AKAP6: variants seen among roughly 807,000 people sequenced by gnomAD.
AKAP6 encodes the protein A-kinase anchoring protein 6.
Under a neutral mutation model 188.5 loss-of-function variants are expected in AKAP6, and 58 were observed. That is an observed-to-expected ratio of 0.31 (90% CI 0.25 to 0.38). The LOEUF (loss-of-function observed/expected upper bound fraction) is 0.38. Among genes scored for constraint, AKAP6 ranks in the 10% least tolerant of loss-of-function variants. The pLI, the probability that AKAP6 is intolerant of heterozygous loss-of-function variation, is 1.00. For synonymous variants in AKAP6, 989 were observed against 998.6 expected (o/e 0.99, Z 0.18); for missense variants, 2,710 against 2,740.0 (o/e 0.99, Z 0.24).
chr14:32,461,042 T>A (rs1170157405), intron 2 of AKAP6, among the ~76,000 whole-genome samples: 1 of 152,210 alleles, frequency 6.6e-6, no homozygotes, highest in African/African-American at 2.4e-5. Context: ...GCAGGGCATC[T>A]CTGAAGGTAA....
chr14:32,681,525 C>T (rs1889676388), intron 8 of AKAP6, among the ~76,000 whole-genome samples: 1 of 152,122 alleles, frequency 6.6e-6, no homozygotes, highest in African/African-American at 2.4e-5. Flanking sequence ...GTGCATATTC[C>T]ATACTGTATG....
At chr14:32,459,435 AC>A (rs1403334947) in intron 2 of AKAP6, among the ~76,000 whole-genome samples, 3 of 152,200 alleles carry the variant, frequency 2.0e-5, no homozygotes, top group Non-Finnish European at 4.4e-5. Context: ...AGTGATAGAT[AC>A]AGACAGATTG....
Position 32,510,431 on chromosome 14 carries a change from TATATGTGTATATATATATAC to T in AKAP6, c.325-25118_325-25099del, listed in dbSNP as rs1466039694. Among the ~76,000 whole-genome samples the T allele has an allele frequency of 1.1e-3, 101 of 95,342 alleles. 2 individuals are homozygous for T. The highest frequency in any genetic ancestry group is 4.3e-3 in the African/African-American group (87 of 20,092). 62.5% of individuals were successfully genotyped at this position (95,342 alleles called of 152,430 possible). A position where few individuals can be genotyped will look rare whatever the true frequency, so the allele number is the denominator to read the frequency against. ...ATATATATGTATATATATACATATA[TATATGTGTATATATATATAC>T]ATATATATGTGTATATATATATATA... On this transcript the variant is annotated intron_variant, in intron 2 of 13. Transcript: ENST00000280979.
chr14:32,585,379 A>T (rs1885188021), intron 5 of AKAP6, among the ~76,000 whole-genome samples: 1 of 152,214 alleles, frequency 6.6e-6, no homozygotes, highest in African/African-American at 2.4e-5. Context: ...GCACCGTGTT[A>T]TTCTGGACAC....
rs569353334 is a variant in AKAP6 at position 32,460,897 on chromosome 14, C to T, written c.324+27080C>T. Among the ~76,000 whole-genome samples the T allele has an allele frequency of 2.8e-3, 421 of 152,318 alleles. 5 individuals are homozygous for T. Among genetic ancestry groups the T allele is most frequent in the African/African-American group, 9.1e-3 (380 of 41,566 alleles). On this transcript the variant is annotated intron_variant, in intron 2 of 13. Coordinates refer to ENST00000280979, the MANE Select transcript of AKAP6 (RefSeq NM_004274.5). ...AGCTTAGTGTGGGGAGGGGCATCCA[C>T]CATTACTGAGGCTTTAGTAGGCAGT...
At chr14:32,701,795 G>T (rs988223559) in intron 9 of AKAP6, among the ~76,000 whole-genome samples, 6 of 151,924 alleles carry the variant, frequency 3.9e-5, no homozygotes, top group African/African-American at 1.5e-4. Context: ...ACTAATTTCC[G>T]ATGTGATTTG....
chr14:32,691,577 G>T (rs1303384799), intron 8 of AKAP6, among the ~76,000 whole-genome samples: 2 of 149,510 alleles, frequency 1.3e-5, no homozygotes, highest in Admixed American at 1.3e-4. Flanking sequence ...GTTTTTTTTT[G>T]AGACAGAGTC....
chr14:32,689,208 C>A (rs1248762992), intron 8 of AKAP6, among the ~76,000 whole-genome samples: 1 of 152,096 alleles, frequency 6.6e-6, no homozygotes, highest in African/African-American at 2.4e-5. Flanking sequence ...TTTGGATGAG[C>A]CTTTGACTTC....
intron 5 of AKAP6, among the ~76,000 whole-genome samples, chr14:32,584,074 A>C (rs570573453): frequency 6.6e-6 from 1 of 152,302 alleles, no homozygotes; most frequent in East Asian, 1.9e-4. Flanking sequence ...TGCATCACTC[A>C]CGCTGGGAGC....
intron 7 of AKAP6, among the ~76,000 whole-genome samples, chr14:32,613,321 C>T (rs148632977): frequency 2.8e-3 from 433 of 152,274 alleles, no homozygotes; most frequent in African/African-American, 9.2e-3. Context: ...TAAAACCATT[C>T]ATTTTTAAGG....
intron 1 of AKAP6, among the ~76,000 whole-genome samples, chr14:32,431,515 T>C (rs1361671919): frequency 6.6e-6 from 1 of 152,236 alleles, no homozygotes; most frequent in Non-Finnish European, 1.5e-5. Flanking sequence ...TTTTTTATTT[T>C]TTATTTTTTG....
chr14:32,783,331 G>T (rs527887256), intron 12 of AKAP6, among the ~76,000 whole-genome samples: 10 of 152,128 alleles, frequency 6.6e-5, no homozygotes, highest in African/African-American at 1.9e-4. Flanking sequence ...TGTGATCACT[G>T]GAGCAATAAT....
Position 32,834,835 on chromosome 14 carries a change from C to T in AKAP6, c.*5030C>T, listed in dbSNP as rs1404335693. The T allele has an allele frequency of 6.6e-6, 1 of 152,196 alleles. No homozygotes were observed. Among genetic ancestry groups the T allele is most frequent in the Admixed American group, 6.5e-5 (1 of 15,268 alleles). 9.4% of individuals were successfully genotyped at this position (152,196 alleles called of 1,614,324 possible). A position where few individuals can be genotyped will look rare whatever the true frequency, so the allele number is the denominator to read the frequency against. On this transcript the variant is annotated 3_prime_UTR_variant, in exon 14 of 14. Transcript: ENST00000280979. The stretch of plus-strand genomic sequence containing the variant: ...TTACTCTTTCAGCCCATGCTTCATC[C>T]ATCTAAGGCAAGGGTCAGCAAACTG...
intron 7 of AKAP6, among the ~76,000 whole-genome samples, chr14:32,670,058 C>T (rs1024300133): frequency 2.7e-5 from 4 of 149,404 alleles, no homozygotes; most frequent in Non-Finnish European, 5.9e-5. Flanking sequence ...GATCTTGCCA[C>T]TGTACAGCGG....
chr14:32,837,018 T>C lies in AKAP6; in HGVS notation c.*7213T>C, dbSNP rs1442469925. The C allele has an allele frequency of 6.6e-6, 1 of 152,256 alleles. No homozygotes were observed. The highest frequency in any genetic ancestry group is 1.5e-5 in the Non-Finnish European group (1 of 68,050). 9.4% of individuals were successfully genotyped at this position (152,256 alleles called of 1,614,324 possible). ...CACTGTTAACTACAGAGCCATATGA[T>C]AATGGAACATCAAGGTTTTCCAGAT... is the stretch of plus-strand genomic sequence containing the variant. On this transcript the variant is annotated 3_prime_UTR_variant, in exon 14 of 14. Coordinates refer to ENST00000280979, the MANE Select transcript of AKAP6 (RefSeq NM_004274.5).
In AKAP6 at chr14:32,824,796, GA is replaced by G; in HGVS notation, c.*27del. 1 of 1,593,052 alleles carries G rather than the reference GA, an allele frequency of 6.3e-7. No homozygotes were observed. The highest frequency in any genetic ancestry group is 8.5e-7 in the Non-Finnish European group (1 of 1,171,572). The stretch of plus-strand genomic sequence containing the variant: ...TAGAATGTACCCCCTCCCCAAGCAT[GA>G]AAATCATCTCACTGAAAGGTACGTA... On this transcript the variant is annotated 3_prime_UTR_variant, in exon 13 of 14. Coordinates refer to ENST00000280979, the MANE Select transcript of AKAP6 (RefSeq NM_004274.5).
At chr14:32,455,832 A>G (rs549545918) in intron 2 of AKAP6, among the ~76,000 whole-genome samples, 1 of 152,102 alleles carries the variant, frequency 6.6e-6, no homozygotes, top group Non-Finnish European at 1.5e-5. Flanking sequence ...CCTGCCCCCA[A>G]CCTACTTTGG....
At chr14:32,616,072 A>T (rs1886565802) in intron 7 of AKAP6, among the ~76,000 whole-genome samples, 1 of 152,172 alleles carries the variant, frequency 6.6e-6, no homozygotes, top group Admixed American at 6.5e-5. Flanking sequence ...ATTAAGAATT[A>T]TTAGCCAATT....
chr14:32,709,731 T>A (rs1422037287), intron 9 of AKAP6, among the ~76,000 whole-genome samples: 1 of 152,048 alleles, frequency 6.6e-6, no homozygotes, highest in Non-Finnish European at 1.5e-5. Context: ...GTCTTCTTAT[T>A]TCTAGTGTAA....
Sources: allele counts gnomAD v4.1 joint callset (sites outside exome capture counted in the v4.1 genomes callset), GRCh38; gene constraint gnomAD v4.1.1; transcripts MANE v1.5; gene names NCBI Gene and HGNC (gene_info 2026-07-23, HGNC 2026-07-21).